GLRA1: variants seen among roughly 807,000 people sequenced by gnomAD.
The protein encoded by GLRA1 is glycine receptor alpha 1, also known as glycine receptor subunit alpha-1.
GLRA1 carries 37 observed loss-of-function variants against 48.3 expected under a neutral mutation model. The observed-to-expected ratio is 0.77, with a 90% CI of 0.59 to 1.01. The LOEUF is 1.01. Ranked by LOEUF, GLRA1 falls within the 50% of genes least tolerant of loss-of-function variation. The probability of loss-of-function intolerance (pLI) is 0.00; values close to 1 mark genes in which losing one functional copy is unlikely to be tolerated. For missense variants in GLRA1, 427 were observed against 571.0 expected (o/e 0.75, Z 2.57); for synonymous variants, 196 against 210.7 (o/e 0.93, Z 0.60).
intron 8 of GLRA1, among the ~76,000 whole-genome samples, chr5:151,827,983 T>TA (rs1490465199): frequency 6.6e-6 from 1 of 152,226 alleles, no homozygotes; most frequent in African/African-American, 2.4e-5. Flanking sequence ...GGCATTGTGT[T>TA]AGGCACCAGG....
chr5:151,845,493 G>A (rs7341167), intron 7 of GLRA1, among the ~76,000 whole-genome samples: 71,472 of 152,026 alleles, frequency 0.47, 17,714 homozygotes, highest in African/African-American at 0.64. Flanking sequence ...ATTATTATTC[G>A]TTAGCAAAAT....
chr5:151,903,483 G>A (rs900341047), intron 1 of GLRA1, among the ~76,000 whole-genome samples: 1 of 152,124 alleles, frequency 6.6e-6, no homozygotes, highest in Non-Finnish European at 1.5e-5. Flanking sequence ...CTAAGACAGA[G>A]TCAGAGCTGC....
intron 7 of GLRA1, among the ~76,000 whole-genome samples, chr5:151,838,208 C>T (rs1369348887): frequency 6.6e-6 from 1 of 152,146 alleles, no homozygotes; most frequent in Non-Finnish European, 1.5e-5. Flanking sequence ...AAATGATAGC[C>T]TGTAATCCCA....
intron 1 of GLRA1, among the ~76,000 whole-genome samples, chr5:151,901,499 AT>A (rs1561578259): frequency 6.6e-6 from 1 of 152,218 alleles, no homozygotes; most frequent in Non-Finnish European, 1.5e-5. Flanking sequence ...CATAATCAGC[AT>A]GCATCCCACG....
At chr5:151,835,027 CAAAAAAAAAAAAAAA>C (rs60718344) in intron 7 of GLRA1, among the ~76,000 whole-genome samples, 1 of 52,530 alleles carries the variant, frequency 1.9e-5, no homozygotes, top group Non-Finnish European at 3.4e-5. Flanking sequence ...GACAACATCT[CAAAAAAAAAAAAAAA>C]AAAAAAAAGA....
In GLRA1 at chr5:151,822,915, C is replaced by T. The variant is rs116474260; in HGVS notation, c.1108G>A (p.Gly370Ser). 19,960 of 1,613,434 alleles carry T rather than the reference C, an allele frequency of 0.012. 137 individuals carry two copies. Among genetic ancestry groups the T allele is most frequent in the Middle Eastern group, 0.027 (164 of 6,060 alleles). ...TCCTTGGCCTGTAGACAGGCTGGGC[C>T]CATCCCATAGGCAGAGAAGTTAAAG... ...GRFNFSAYGM[G>S]PACLQAKDGI... The change falls in exon 9 of 9, where the codon GGC (glycine) becomes AGC (serine). Residue 370 changes from glycine to serine, a missense_variant. Coordinates refer to ENST00000274576, the MANE Select transcript of GLRA1 (RefSeq NM_000171.4).
intron 3 of GLRA1, among the ~76,000 whole-genome samples, chr5:151,880,517 C>T (rs1271140391): frequency 6.6e-6 from 1 of 152,236 alleles, no homozygotes; most frequent in Non-Finnish European, 1.5e-5. Context: ...TAGCCTGCCC[C>T]TTGGCAAGAG....
intron 3 of GLRA1, among the ~76,000 whole-genome samples, chr5:151,881,730 C>T (rs1753768405): frequency 6.6e-6 from 1 of 152,156 alleles, no homozygotes; most frequent in South Asian, 2.1e-4. Context: ...CAGGCAGTCT[C>T]AGCCCTCTCC....
intron 3 of GLRA1, among the ~76,000 whole-genome samples, chr5:151,871,831 C>G (rs1269291655): frequency 6.7e-6 from 1 of 149,456 alleles, no homozygotes; most frequent in Non-Finnish European, 1.5e-5. Flanking sequence ...CCCAAAGTGC[C>G]GGGATTACAG....
intron 3 of GLRA1, among the ~76,000 whole-genome samples, chr5:151,876,237 G>T (rs951781169): frequency 1.3e-5 from 2 of 151,886 alleles, no homozygotes; most frequent in Non-Finnish European, 2.9e-5. Flanking sequence ...TTTTCTACTT[G>T]ACTTTTCTTT....
At position 151,859,921 on chromosome 5, in the gene GLRA1, C is replaced by T; in HGVS notation, c.340G>A (p.Asp114Asn). 1 of 1,613,974 alleles carries T rather than the reference C, an allele frequency of 6.2e-7. No individual in the cohort carries two copies. Among genetic ancestry groups the T allele is most frequent in the Non-Finnish European group, 8.5e-7 (1 of 1,179,906 alleles). Residue 114 changes from aspartate (D) to asparagine (N), a missense_variant, in exon 4 of 9, where the codon GAC (aspartate) becomes AAC (asparagine). Coordinates refer to ENST00000274576, the MANE Select transcript of GLRA1 (RefSeq NM_000171.4). Reference sequence around the variant, plus strand: ...CAGATGGAGTCCAGCATGGATGGGTCCAGGTCCAGAGAGTCGTCAGGGTAT... The same window carrying T: ...CAGATGGAGTCCAGCATGGATGGGTTCAGGTCCAGAGAGTCGTCAGGGTAT... Reference protein sequence around the residue: ...NEYPDDSLDLDPSMLDSIWKP... With the variant: ...NEYPDDSLDLNPSMLDSIWKP...
intron 7 of GLRA1, chr5:151,850,836 A>G: frequency 1.4e-6 from 1 of 710,520 alleles, no homozygotes; most frequent in South Asian, 1.5e-5. Context: ...CTAGTTCTTC[A>G]TCCCACTCCA....
intron 3 of GLRA1, among the ~76,000 whole-genome samples, chr5:151,871,018 C>T (rs780467679): frequency 6.7e-6 from 1 of 149,544 alleles, no homozygotes; most frequent in Non-Finnish European, 1.5e-5. Context: ...GAGTCACGCT[C>T]TGGGCAGTCA....
chr5:151,912,337 A>G (rs913676686), intron 1 of GLRA1, among the ~76,000 whole-genome samples: 1 of 141,960 alleles, frequency 7.0e-6, no homozygotes, highest in African/African-American at 2.7e-5. Flanking sequence ...GTAAGTCCAT[A>G]CTTTCTTCAT....
intron 7 of GLRA1, among the ~76,000 whole-genome samples, chr5:151,831,666 A>G (rs34792681): frequency 0.04 from 6,059 of 152,344 alleles, 166 homozygotes; most frequent in Non-Finnish European, 0.06. Flanking sequence ...GCTTATAGAT[A>G]AAACTACCAA....
chr5:151,843,836 C>T (rs1406414588), intron 7 of GLRA1, among the ~76,000 whole-genome samples: 1 of 152,098 alleles, frequency 6.6e-6, no homozygotes, highest in African/African-American at 2.4e-5. Flanking sequence ...ATACTCTTCT[C>T]AACAAATGGT....
intron 6 of GLRA1, among the ~76,000 whole-genome samples, chr5:151,854,572 C>T (rs1275645084): frequency 1.3e-5 from 2 of 152,224 alleles, no homozygotes; most frequent in Non-Finnish European, 1.5e-5. Context: ...CTAAGCTACA[C>T]CATCGTGGCT....
chr5:151,919,146 A>G (rs1754812529), intron 1 of GLRA1, among the ~76,000 whole-genome samples: 1 of 152,224 alleles, frequency 6.6e-6, no homozygotes, highest in Admixed American at 6.5e-5. Context: ...GGTCAACTCA[A>G]TGTGGTGACA....
chr5:151,861,446 G>T (rs1753202053), intron 3 of GLRA1, among the ~76,000 whole-genome samples: 2 of 152,306 alleles, frequency 1.3e-5, no homozygotes, highest in East Asian at 3.9e-4. Flanking sequence ...GTATCTCATT[G>T]TGGTTTTGAT....
Sources: gnomAD v4.1 joint callset for allele counts (sites outside exome capture counted in the v4.1 genomes callset) on GRCh38, gnomAD v4.1.1 for gene constraint, MANE v1.5 for transcripts, NCBI Gene and HGNC (gene_info 2026-07-23, HGNC 2026-07-21) for gene names.